C8orf34: variants seen among roughly 807,000 people sequenced by gnomAD.
The protein encoded by C8orf34 is chromosome 8 open reading frame 34, also known as uncharacterized protein C8orf34.
Under a neutral mutation model 68.3 loss-of-function variants are expected in C8orf34, and 65 were observed. That is an observed-to-expected ratio of 0.95 (90% confidence interval 0.78 to 1.17). C8orf34 has a LOEUF of 1.17. Ranked by LOEUF, C8orf34 falls within the 50% of genes most tolerant of loss-of-function variation. The pLI is 0.00. For synonymous variants in C8orf34, 244 were observed against 241.2 expected (o/e 1.01, Z -0.11); for missense variants, 664 against 655.4 (o/e 1.01, Z -0.14).
At chr8:68,349,213 T>C (rs372178650) in intron 1 of C8orf34, among the ~76,000 whole-genome samples, 1 of 152,116 alleles carries the variant, frequency 6.6e-6, no homozygotes, top group East Asian at 1.9e-4. Flanking sequence ...AAAAGCCTTT[T>C]CTGTGTCTAT....
At chr8:68,788,312 T>A (rs1823900216) in intron 12 of C8orf34, among the ~76,000 whole-genome samples, 1 of 152,188 alleles carries the variant, frequency 6.6e-6, no homozygotes. Context: ...AGCATTATAA[T>A]CATGAATCTG....
At chr8:68,620,542 G>A (rs917176879) in intron 7 of C8orf34, among the ~76,000 whole-genome samples, 1 of 152,074 alleles carries the variant, frequency 6.6e-6, no homozygotes, top group African/African-American at 2.4e-5. Context: ...ACTGCCTTGA[G>A]GACACATCGC....
chr8:68,330,854 C>T (rs902694446), upstream of C8orf34: 1 of 590,580 alleles, frequency 1.7e-6, no homozygotes, highest in Non-Finnish European at 2.7e-6. Flanking sequence ...CCCGCGGCCC[C>T]TGTCCGCCCG....
At chr8:68,501,564 G>A (rs1371583110) in intron 5 of C8orf34, among the ~76,000 whole-genome samples, 1 of 152,188 alleles carries the variant, frequency 6.6e-6, no homozygotes, top group Non-Finnish European at 1.5e-5. Context: ...CTGTTCTCTA[G>A]AGGTGAGTCC....
At chr8:68,489,917 A>T (rs1813238962) in intron 5 of C8orf34, among the ~76,000 whole-genome samples, 1 of 152,202 alleles carries the variant, frequency 6.6e-6, no homozygotes, top group African/African-American at 2.4e-5. Context: ...TTAAATATCT[A>T]TTTCCTTTAA....
At chr8:68,516,182 CA>C (rs763705724) in intron 5 of C8orf34, among the ~76,000 whole-genome samples, 2 of 152,174 alleles carry the variant, frequency 1.3e-5, no homozygotes, top group African/African-American at 2.4e-5. Flanking sequence ...GCACATTAAT[CA>C]GTGTTGTCTG....
intron 6 of C8orf34, among the ~76,000 whole-genome samples, chr8:68,529,586 G>A (rs1264169081): frequency 6.6e-6 from 1 of 152,060 alleles, no homozygotes; most frequent in Non-Finnish European, 1.5e-5. Flanking sequence ...TTGATAACAG[G>A]GTGAGGCCAC....
chr8:68,455,781 G>A (rs1426287826), intron 3 of C8orf34, among the ~76,000 whole-genome samples: 1 of 151,560 alleles, frequency 6.6e-6, no homozygotes, highest in Non-Finnish European at 1.5e-5. Flanking sequence ...AGGAATAGAA[G>A]GATATTTTCT....
At chr8:68,658,422 G>A (rs1202727565) in intron 8 of C8orf34, among the ~76,000 whole-genome samples, 2 of 152,150 alleles carry the variant, frequency 1.3e-5, no homozygotes, top group East Asian at 1.9e-4. Flanking sequence ...AATATGTAAT[G>A]TTTCCTTTAT....
intron 1 of C8orf34, among the ~76,000 whole-genome samples, chr8:68,349,527 T>C (rs2129618454): frequency 6.6e-6 from 1 of 152,098 alleles, no homozygotes; most frequent in East Asian, 1.9e-4. Flanking sequence ...CCTCAATTGT[T>C]GGGAAATATT....
intron 8 of C8orf34, among the ~76,000 whole-genome samples, chr8:68,698,555 A>G (rs1165913688): frequency 2.0e-5 from 3 of 152,098 alleles, no homozygotes; most frequent in African/African-American, 7.2e-5. Flanking sequence ...CACCACGTAC[A>G]TATGTGAGGC....
chr8:68,633,609 A>G (rs1818753154), intron 7 of C8orf34, among the ~76,000 whole-genome samples: 1 of 152,196 alleles, frequency 6.6e-6, no homozygotes, highest in African/African-American at 2.4e-5. Context: ...GCTTCTAAGA[A>G]ATTTCCAGCT....
chr8:68,676,589 C>T (rs887077930), intron 8 of C8orf34, among the ~76,000 whole-genome samples: 4 of 152,124 alleles, frequency 2.6e-5, no homozygotes, highest in Non-Finnish European at 5.9e-5. Context: ...TATTCTTTTC[C>T]TCAGCACATG....
intron 7 of C8orf34, among the ~76,000 whole-genome samples, chr8:68,581,165 C>A (rs1002213088): frequency 2.6e-5 from 4 of 151,988 alleles, no homozygotes; most frequent in African/African-American, 9.7e-5. Context: ...GGTAAACTTG[C>A]GTATTTCTTA....
intron 7 of C8orf34, among the ~76,000 whole-genome samples, chr8:68,589,945 G>A (rs1407200930): frequency 6.8e-6 from 1 of 146,626 alleles, no homozygotes; most frequent in Non-Finnish European, 1.5e-5. Flanking sequence ...AAGGAAGGAA[G>A]GAGGAAAGGA....
At chr8:68,611,903 G>A (rs893950568) in intron 7 of C8orf34, among the ~76,000 whole-genome samples, 5 of 152,258 alleles carry the variant, frequency 3.3e-5, no homozygotes, top group Admixed American at 1.3e-4. Flanking sequence ...ACCTCAGTGA[G>A]TCAGAAGAGA....
chr8:68,545,098 A>T (rs941266563), intron 7 of C8orf34, among the ~76,000 whole-genome samples: 73 of 152,262 alleles, frequency 4.8e-4, no homozygotes, highest in African/African-American at 1.7e-3. Context: ...GTCCCCAACC[A>T]AATCTCAACT....
At chr8:68,429,007 A>C (rs1428227020) in intron 1 of C8orf34, among the ~76,000 whole-genome samples, 4 of 152,182 alleles carry the variant, frequency 2.6e-5, no homozygotes, top group Non-Finnish European at 5.9e-5. Context: ...AACGTAGGAT[A>C]ATATTTGCAT....
intron 3 of C8orf34, among the ~76,000 whole-genome samples, chr8:68,462,217 G>C (rs1477952572): frequency 6.6e-6 from 1 of 152,120 alleles, no homozygotes; most frequent in Non-Finnish European, 1.5e-5. Context: ...ATGGTAAAGG[G>C]ATCAATTCAA....
Sources: gnomAD v4.1 joint callset for allele counts (sites outside exome capture counted in the v4.1 genomes callset) on GRCh38, gnomAD v4.1.1 for gene constraint, MANE v1.5 for transcripts, NCBI Gene and HGNC (gene_info 2026-07-23, HGNC 2026-07-21) for gene names.